Variants in CTNNA3 observed in about 807,000 individuals in gnomAD.
CTNNA3 encodes the protein catenin alpha-3.
CTNNA3 carries 76 observed loss-of-function variants against 95.7 expected under a neutral mutation model. The ratio of observed to expected loss-of-function variants is 0.79; its 90% confidence interval spans 0.66 to 0.96. CTNNA3 has a LOEUF of 0.96. CTNNA3 is among the 40% of genes least tolerant of loss of function. The probability of loss-of-function intolerance (pLI) is 0.00; values close to 1 mark genes in which losing one functional copy is unlikely to be tolerated. For missense variants in CTNNA3, 1,191 were observed against 1,089.8 expected, an observed-to-expected ratio of 1.09 and a Z score of -1.31; for synonymous variants, 431 against 374.4, an observed-to-expected ratio of 1.15 and a Z score of -1.74.
At chr10:67,321,717 C>T (rs901367997) in intron 5 of CTNNA3, among the ~76,000 whole-genome samples, 2 of 152,076 alleles carry the variant, frequency 1.3e-5, no homozygotes, top group African/African-American at 4.8e-5. Context: ...TTTTAAATCT[C>T]GAGTCCACAC....
intron 5 of CTNNA3, among the ~76,000 whole-genome samples, chr10:67,315,651 G>A (rs1841014146): frequency 6.6e-6 from 1 of 152,042 alleles, no homozygotes; most frequent in Non-Finnish European, 1.5e-5. Flanking sequence ...TAGGGCTGGT[G>A]TTGAGCACAA....
intron 7 of CTNNA3, among the ~76,000 whole-genome samples, chr10:67,153,766 C>A (rs1861183766): frequency 2.6e-5 from 4 of 151,818 alleles, no homozygotes; most frequent in Admixed American, 2.6e-4. Context: ...AGCTGTTACT[C>A]AAAATGAAGT....
At chr10:66,189,611 TATATATAC>T (rs1466869804) in intron 13 of CTNNA3, among the ~76,000 whole-genome samples, 4 of 114,806 alleles carry the variant, frequency 3.5e-5, no homozygotes, top group African/African-American at 1.4e-4. Context: ...TATATATATA[TATATATAC>T]ACACATACAC....
rs55682465 is a variant in CTNNA3, at chr10:66,308,815, A to G, written c.1733-28194T>C. Among the ~76,000 whole-genome samples the G allele has an allele frequency of 3.6e-3, 543 of 152,312 alleles. 3 individuals are homozygous for G. The highest frequency in any genetic ancestry group is 0.012 in the African/African-American group (517 of 41,582). On this transcript the variant is annotated intron_variant, in intron 12 of 17. Transcript: ENST00000433211. Reference sequence around the variant, plus strand: ...TCTATAAAAATTCATGTTTTATTATATATTTCAAAGCTCTAAAATGAAATT... The same window carrying G: ...TCTATAAAAATTCATGTTTTATTATGTATTTCAAAGCTCTAAAATGAAATT...
chr10:67,402,482 G>A (rs1479298534), intron 5 of CTNNA3, among the ~76,000 whole-genome samples: 1 of 152,150 alleles, frequency 6.6e-6, no homozygotes, highest in Non-Finnish European at 1.5e-5. Context: ...TCATAAAGAG[G>A]AAGAAAAGCA....
chr10:66,191,583 C>T (rs995116054), intron 13 of CTNNA3, among the ~76,000 whole-genome samples: 35 of 150,194 alleles, frequency 2.3e-4, no homozygotes, highest in African/African-American at 8.6e-4. Flanking sequence ...TGGCACTGCC[C>T]ACATTTGTAT....
chr10:67,623,911 G>A (rs1589502297), intron 2 of CTNNA3, among the ~76,000 whole-genome samples: 1 of 152,080 alleles, frequency 6.6e-6, no homozygotes, highest in East Asian at 1.9e-4. Context: ...CCGTCTCCCA[G>A]GTTCAAGCGA....
chr10:66,749,222 A>G (rs1171711472), intron 9 of CTNNA3, among the ~76,000 whole-genome samples: 4 of 148,534 alleles, frequency 2.7e-5, no homozygotes, highest in East Asian at 3.9e-4. Context: ...AAAAAAAAAA[A>G]AAAAAAGAAA....
At chr10:66,040,952 C>G (rs971875441) in intron 15 of CTNNA3, among the ~76,000 whole-genome samples, 4 of 152,102 alleles carry the variant, frequency 2.6e-5, no homozygotes, top group African/African-American at 9.7e-5. Flanking sequence ...ATTTCATAGT[C>G]TCAAAATATC....
chr10:66,240,367 G>C (rs2132036573), intron 13 of CTNNA3, among the ~76,000 whole-genome samples: 1 of 152,094 alleles, frequency 6.6e-6, no homozygotes, highest in Middle Eastern at 3.4e-3. Context: ...ATAAAACACA[G>C]TTATCTTAAC....
At chr10:66,497,824 G>A (rs1418468582) in intron 11 of CTNNA3, among the ~76,000 whole-genome samples, 1 of 151,942 alleles carries the variant, frequency 6.6e-6, no homozygotes, top group African/African-American at 2.4e-5. Context: ...TGTATTTATG[G>A]ACATTTTTCA....
At chr10:67,088,724 A>G (rs948378820) in intron 7 of CTNNA3, among the ~76,000 whole-genome samples, 3 of 152,032 alleles carry the variant, frequency 2.0e-5, no homozygotes, top group Non-Finnish European at 4.4e-5. Context: ...TTGCACAAAT[A>G]CCACTAAAAG....
At chr10:67,339,436 C>T (rs1005483493) in intron 5 of CTNNA3, among the ~76,000 whole-genome samples, 1 of 152,050 alleles carries the variant, frequency 6.6e-6, no homozygotes, top group Non-Finnish European at 1.5e-5. Flanking sequence ...TTAGGATATA[C>T]ACGATATATC....
chr10:66,623,050 C>G (rs920129365), intron 9 of CTNNA3, among the ~76,000 whole-genome samples: 1 of 152,020 alleles, frequency 6.6e-6, no homozygotes, highest in Non-Finnish European at 1.5e-5. Context: ...GTCACAATGC[C>G]TCAACTTTCA....
intron 7 of CTNNA3, among the ~76,000 whole-genome samples, chr10:66,868,798 A>G (rs1045161985): frequency 6.6e-6 from 1 of 152,138 alleles, no homozygotes; most frequent in African/African-American, 2.4e-5. Flanking sequence ...CAAAAAACTT[A>G]CTGTGAGCAT....
intron 11 of CTNNA3, among the ~76,000 whole-genome samples, chr10:66,400,130 T>C (rs1221887922): frequency 1.3e-5 from 2 of 151,788 alleles, no homozygotes; most frequent in African/African-American, 4.8e-5. Flanking sequence ...GCTAAGAAGC[T>C]GATAAAAAAT....
At chr10:66,814,266 G>GAAAAAAAAAAAAA (rs71035182) in intron 7 of CTNNA3, among the ~76,000 whole-genome samples, 2 of 137,094 alleles carry the variant, frequency 1.5e-5, no homozygotes, top group Non-Finnish European at 3.2e-5. Flanking sequence ...AAGGAGGAAA[G>GAAAAAAAAAAAAA]AAAAAAAAAA....
intron 3 of CTNNA3, among the ~76,000 whole-genome samples, chr10:67,599,233 ACTC>A (rs1459469949): frequency 6.6e-6 from 1 of 152,072 alleles, no homozygotes; most frequent in Non-Finnish European, 1.5e-5. Context: ...AAAACTCAAC[ACTC>A]TTCCAAGGAA....
intron 5 of CTNNA3, among the ~76,000 whole-genome samples, chr10:67,262,417 T>C (rs1245282026): frequency 1.3e-5 from 2 of 152,098 alleles, no homozygotes; most frequent in Admixed American, 6.6e-5. Context: ...GAGGTACTAA[T>C]GCAGAGTTTG....
Sources: allele counts gnomAD v4.1 joint callset (sites outside exome capture counted in the v4.1 genomes callset), GRCh38; gene constraint gnomAD v4.1.1; transcripts MANE v1.5; gene names NCBI Gene and HGNC (gene_info 2026-07-23, HGNC 2026-07-21).